CPLX2: variants seen among roughly 807,000 people sequenced by gnomAD.
The protein encoded by CPLX2 is complexin-2.
A neutral mutation model predicts 16.3 loss-of-function variants in CPLX2; 5 were observed. The ratio of observed to expected loss-of-function variants is 0.31; its 90% CI spans 0.16 to 0.64. CPLX2 has a LOEUF of 0.64. Ranked by LOEUF, CPLX2 falls within the 30% of genes least tolerant of loss-of-function variation. The pLI is 0.79. For synonymous variants in CPLX2, 89 were observed against 73.2 expected (o/e 1.22, Z -1.10); for missense variants, 144 against 181.4 (o/e 0.79, Z 1.18).
intron 3 of CPLX2, among the ~76,000 whole-genome samples, chr5:175,879,295 A>G (rs1581107571): frequency 1.3e-5 from 2 of 152,184 alleles, no homozygotes; most frequent in East Asian, 1.9e-4. Flanking sequence ...CGTAGTAGGT[A>G]CTCCAAGAGG....
chr5:175,835,273 A>G (rs1758808404), intron 2 of CPLX2, among the ~76,000 whole-genome samples: 1 of 152,266 alleles, frequency 6.6e-6, no homozygotes, highest in African/African-American at 2.4e-5. Context: ...AAATAGTTCA[A>G]TCAATGCATA....
chr5:175,835,138 C>T (rs1199271005), intron 2 of CPLX2, among the ~76,000 whole-genome samples: 1 of 152,146 alleles, frequency 6.6e-6, no homozygotes, highest in Non-Finnish European at 1.5e-5. Flanking sequence ...AGATTGCAAA[C>T]AATGTGTTGA....
chr5:175,836,281 C>T (rs181169963), intron 2 of CPLX2, among the ~76,000 whole-genome samples: 1,528 of 152,224 alleles, frequency 0.01, 31 homozygotes, highest in African/African-American at 0.034. Context: ...ACCCGGGAGG[C>T]GGAGCTTGCA....
chr5:175,865,090 G>GATA (rs1561787835), intron 2 of CPLX2, among the ~76,000 whole-genome samples: 3 of 151,174 alleles, frequency 2.0e-5, no homozygotes, highest in Admixed American at 2.0e-4. Flanking sequence ...GTGCGCGCGC[G>GATA]CACACACACA....
At chr5:175,805,797 C>T (rs551851405) in intron 1 of CPLX2, among the ~76,000 whole-genome samples, 1 of 152,328 alleles carries the variant, frequency 6.6e-6, no homozygotes, top group East Asian at 1.9e-4. Context: ...GCGATTTTCT[C>T]GTGGCTGGGA....
chr5:175,864,993 C>G (rs990915383), intron 2 of CPLX2, among the ~76,000 whole-genome samples: 15 of 152,118 alleles, frequency 9.9e-5, no homozygotes, highest in African/African-American at 3.6e-4. Flanking sequence ...CCAGAAATTT[C>G]TCTCTTCATC....
At chr5:175,812,406 A>G (rs755698598) in intron 2 of CPLX2, among the ~76,000 whole-genome samples, 1 of 152,146 alleles carries the variant, frequency 6.6e-6, no homozygotes, top group Non-Finnish European at 1.5e-5. Context: ...ACCAAAGGAA[A>G]TATGTTGCGT....
intron 2 of CPLX2, among the ~76,000 whole-genome samples, chr5:175,833,481 G>C (rs1406746250): frequency 6.6e-6 from 1 of 152,188 alleles, no homozygotes; most frequent in African/African-American, 2.4e-5. Flanking sequence ...TCGTTTCCAA[G>C]TTGGAAAGTC....
chr5:175,808,704 C>T (rs1758258294), intron 1 of CPLX2, among the ~76,000 whole-genome samples: 1 of 152,198 alleles, frequency 6.6e-6, no homozygotes, highest in East Asian at 1.9e-4. Flanking sequence ...AAAGTATGGT[C>T]AATTGTACTA....
chr5:175,838,196 G>A (rs77203599), intron 2 of CPLX2, among the ~76,000 whole-genome samples: 23,218 of 151,462 alleles, frequency 0.15, 2,082 homozygotes, highest in East Asian at 0.29. Context: ...CAGACAGGGC[G>A]CCGTCAGCTG....
chr5:175,853,384 G>A lies in CPLX2; in HGVS notation c.-88-25268G>A, dbSNP rs569647873. On this transcript the variant is annotated intron_variant, in intron 2 of 4. Coordinates refer to the CPLX2 transcript ENST00000359546. ...GGACCCCTGAGAAACTGGCCCCAGCGCCCCTCCTCCGAGAGCTGCCCGGCC... is the reference window on the plus strand; with the variant it reads ...GGACCCCTGAGAAACTGGCCCCAGCACCCCTCCTCCGAGAGCTGCCCGGCC... Among the ~76,000 whole-genome samples the A allele has an allele frequency of 4.1e-4, 63 of 152,156 alleles. 1 individual carries two copies. The highest frequency in any genetic ancestry group is 1.2e-3 in the Admixed American group (18 of 15,282).
chr5:175,807,760 G>A (rs941700993), intron 1 of CPLX2, among the ~76,000 whole-genome samples: 1 of 152,172 alleles, frequency 6.6e-6, no homozygotes, highest in Admixed American at 6.5e-5. Context: ...CCAGGCTCTG[G>A]GGAAACCACT....
intron 2 of CPLX2, among the ~76,000 whole-genome samples, chr5:175,862,376 A>G (rs1158869530): frequency 6.6e-6 from 1 of 152,214 alleles, no homozygotes; most frequent in Admixed American, 6.5e-5. Context: ...TGTTTCCCAA[A>G]TTAGATTTTT....
intron 1 of CPLX2, among the ~76,000 whole-genome samples, chr5:175,874,303 C>T (rs1021756869): frequency 6.6e-6 from 1 of 152,128 alleles, no homozygotes; most frequent in East Asian, 1.9e-4. Context: ...AAAGCTACAG[C>T]GTCTGGACTT....
At chr5:175,853,519 G>C (rs550943521) in intron 2 of CPLX2, among the ~76,000 whole-genome samples, 1 of 152,238 alleles carries the variant, frequency 6.6e-6, no homozygotes, top group Non-Finnish European at 1.5e-5. Context: ...CTGGGCCCCA[G>C]TTCCAGCACA....
At chr5:175,857,332 T>A (rs1252066758) in intron 2 of CPLX2, among the ~76,000 whole-genome samples, 4 of 152,224 alleles carry the variant, frequency 2.6e-5, no homozygotes, top group Non-Finnish European at 5.9e-5. Flanking sequence ...CTGTCTTTCT[T>A]TCTCATATCA....
intron 2 of CPLX2, among the ~76,000 whole-genome samples, chr5:175,812,243 C>T (rs1758325050): frequency 6.6e-6 from 1 of 152,342 alleles, no homozygotes. Flanking sequence ...GGCCCCTTGG[C>T]CAGCCCCATC....
At position 175,879,961 on chromosome 5, in the gene CPLX2, C is replaced by G. The variant is rs547842894; in HGVS notation, c.321C>G (p.Asp107Glu). ...AGGCCATCCCTGCGGGCTGCGGGGA[C>G]GAGGAGGAGGAGGAAGAGGAGAGCA... Reference protein sequence around the residue: ...PKKAIPAGCGDEEEEEEESIL... With the variant: ...PKKAIPAGCGEEEEEEEESIL... Residue 107 changes from aspartate (D) to glutamate (E), a missense_variant, in exon 4 of 4, where the codon GAC (aspartate) becomes GAG (glutamate). By Grantham distance (45) the Asp-to-Glu change is conservative (BLOSUM62 2). Transcript: ENST00000393745. The G allele has an allele frequency of 2.5e-6, 4 of 1,613,522 alleles. No individual in the cohort carries two copies. Among genetic ancestry groups the G allele is most frequent in the Non-Finnish European group, 3.4e-6 (4 of 1,179,672 alleles).
intron 2 of CPLX2, among the ~76,000 whole-genome samples, chr5:175,865,757 T>C (rs1053879973): frequency 3.3e-5 from 5 of 152,196 alleles, no homozygotes. Context: ...AACCAGTCGA[T>C]GTGTCAGAAA....
Sources: gnomAD v4.1 joint callset for allele counts (sites outside exome capture counted in the v4.1 genomes callset) on GRCh38, gnomAD v4.1.1 for gene constraint, MANE v1.5 for transcripts, NCBI Gene and HGNC (gene_info 2026-07-23, HGNC 2026-07-21) for gene names.